SDK1: variants seen among roughly 807,000 people sequenced by gnomAD.
SDK1 encodes the protein protein sidekick-1.
In SDK1, 157 loss-of-function variants were observed where a neutral mutation model predicts 245.5. That is an observed-to-expected ratio of 0.64 (90% CI 0.56 to 0.73). The LOEUF (loss-of-function observed/expected upper bound fraction) is 0.73, where lower values mean the gene tolerates loss of function less well. SDK1 is among the 30% of genes least tolerant of loss of function. The pLI is 0.00. For synonymous variants in SDK1, 1,647 were observed against 1,278.5 expected (o/e 1.29, Z -6.15); for missense variants, 3,583 against 3,002.3 (o/e 1.19, Z -4.52).
chr7:3,837,189 A>G (rs965870375), intron 5 of SDK1, among the ~76,000 whole-genome samples: 5 of 152,210 alleles, frequency 3.3e-5, no homozygotes, highest in Non-Finnish European at 5.9e-5. Context: ...TCTTATTCCT[A>G]TTGCATTTTC....
intron 1 of SDK1, among the ~76,000 whole-genome samples, chr7:3,536,117 T>G (rs1010449134): frequency 1.4e-4 from 21 of 151,794 alleles, no homozygotes; most frequent in Admixed American, 8.5e-4. Context: ...AGTGCAGTGG[T>G]GCGATCTCGG....
chr7:4,208,712 G>A (rs931531915), intron 37 of SDK1, among the ~76,000 whole-genome samples: 2 of 152,184 alleles, frequency 1.3e-5, no homozygotes, highest in African/African-American at 2.4e-5. Flanking sequence ...AGGCCACAGC[G>A]ACGGGAATTC....
At chr7:4,023,172 C>T (rs1787061787) in intron 17 of SDK1, among the ~76,000 whole-genome samples, 2 of 152,116 alleles carry the variant, frequency 1.3e-5, no homozygotes, top group South Asian at 4.1e-4. Context: ...GGGCTAGCAC[C>T]TTGGACACAT....
At chr7:3,546,511 G>C (rs778395277) in intron 1 of SDK1, among the ~76,000 whole-genome samples, 3 of 152,212 alleles carry the variant, frequency 2.0e-5, no homozygotes, top group Non-Finnish European at 2.9e-5. Flanking sequence ...TACATTCAGA[G>C]TATACACAGC....
intron 5 of SDK1, among the ~76,000 whole-genome samples, chr7:3,919,363 C>G (rs1779506028): frequency 6.6e-6 from 1 of 152,210 alleles, no homozygotes; most frequent in Non-Finnish European, 1.5e-5. Context: ...AGGTGTTTGC[C>G]TCTGCTGCTG....
At chr7:4,248,897 A>T (rs1005584038) in intron 44 of SDK1, among the ~76,000 whole-genome samples, 1 of 152,222 alleles carries the variant, frequency 6.6e-6, no homozygotes, top group Non-Finnish European at 1.5e-5. Context: ...GTACAAGCAC[A>T]CATGCATACC....
intron 1 of SDK1, among the ~76,000 whole-genome samples, chr7:3,466,034 G>T (rs1166756480): frequency 6.6e-6 from 1 of 152,062 alleles, no homozygotes; most frequent in Non-Finnish European, 1.5e-5. Context: ...AGGAGGGGCT[G>T]GTTTTTCTCT....
rs577699528 is a variant in SDK1 at position 3,492,409 on chromosome 7, G to A, written c.299-126671G>A. Reference sequence around the variant, plus strand: ...CTCAGGAGGCTGAGGCAGGAGAATGGCGTGAACCGGCAAGGTGGAGCTTGC... The same window carrying A: ...CTCAGGAGGCTGAGGCAGGAGAATGACGTGAACCGGCAAGGTGGAGCTTGC... On this transcript the variant is annotated intron_variant, in intron 1 of 44. Coordinates refer to ENST00000404826, the MANE Select transcript of SDK1 (RefSeq NM_152744.4). 2.0e-5 allele frequency among the ~76,000 whole-genome samples: 3 copies of A among 152,364 alleles called. No homozygotes were observed. In the South Asian group the frequency reaches 6.2e-4, roughly 32 times the overall value.
intron 4 of SDK1, among the ~76,000 whole-genome samples, chr7:3,649,034 G>C (rs1242389098): frequency 6.6e-6 from 1 of 152,098 alleles, no homozygotes; most frequent in Non-Finnish European, 1.5e-5. Flanking sequence ...GACATTTCCT[G>C]AGCACTTAAT....
intron 4 of SDK1, among the ~76,000 whole-genome samples, chr7:3,737,131 T>A (rs1779336729): frequency 6.6e-6 from 1 of 152,240 alleles, no homozygotes. Context: ...ATTCTAGGTG[T>A]GCTCTGCAGC....
chr7:4,034,721 G>C (rs1788091109), intron 17 of SDK1, among the ~76,000 whole-genome samples: 1 of 152,138 alleles, frequency 6.6e-6, no homozygotes, highest in South Asian at 2.1e-4. Context: ...ACAGGTACAA[G>C]CCTATTCGCT....
At chr7:3,994,056 T>C (rs1053247517) in intron 14 of SDK1, among the ~76,000 whole-genome samples, 2 of 152,096 alleles carry the variant, frequency 1.3e-5, no homozygotes, top group Non-Finnish European at 2.9e-5. Context: ...AGGCTCTATT[T>C]CCCCTCCTGC....
intron 1 of SDK1, among the ~76,000 whole-genome samples, chr7:3,417,335 G>T (rs893002822): frequency 6.6e-6 from 1 of 152,146 alleles, no homozygotes; most frequent in Admixed American, 6.5e-5. Flanking sequence ...CCAGTTCCCC[G>T]ACTCTTCGTC....
rs775371513 is a variant in SDK1 at position 4,233,282 on chromosome 7, A to C, written c.5855A>C (p.Lys1952Thr). ...SDEGLWDMFV[K>T]DIPRSATSYT... ...GAAGGCTTATGGGACATGTTTGTGAAGGACATCCCGCGGAGCGCCACATCC... is the reference window on the plus strand; with the variant it reads ...GAAGGCTTATGGGACATGTTTGTGACGGACATCCCGCGGAGCGCCACATCC... Residue 1952 changes from lysine (K) to threonine (T), a missense_variant, in exon 41 of 45, where the codon AAG becomes ACG. Transcript: ENST00000404826. 6.2e-7 allele frequency: 1 copy of C among 1,613,866 alleles called. No homozygotes were observed. Among genetic ancestry groups the C allele is most frequent in the Non-Finnish European group, 8.5e-7 (1 of 1,179,986 alleles).
chr7:3,572,462 TC>T (rs983822559), intron 1 of SDK1, among the ~76,000 whole-genome samples: 1 of 151,884 alleles, frequency 6.6e-6, no homozygotes, highest in African/African-American at 2.4e-5. Flanking sequence ...CTGGGGAATT[TC>T]CTATAAACTG....
intron 5 of SDK1, among the ~76,000 whole-genome samples, chr7:3,864,830 G>T (rs1028939910): frequency 6.6e-6 from 1 of 152,130 alleles, no homozygotes; most frequent in Non-Finnish European, 1.5e-5. Flanking sequence ...AGAGAAAGAG[G>T]GAATGACAAT....
intron 1 of SDK1, among the ~76,000 whole-genome samples, chr7:3,358,255 C>T (rs187191811): frequency 6.6e-6 from 1 of 152,144 alleles, no homozygotes; most frequent in African/African-American, 2.4e-5. Context: ...CTCCCGACCT[C>T]AAGTGATCTG....
In SDK1 at chr7:3,464,403, C is replaced by T. The variant is rs893009238; in HGVS notation, c.299-154677C>T. Among the ~76,000 whole-genome samples the T allele has an allele frequency of 9.9e-5, 15 of 152,008 alleles. 1 individual carries two copies. Among genetic ancestry groups the T allele is most frequent in the Non-Finnish European group, 1.9e-4 (13 of 68,000 alleles). On this transcript the variant is annotated intron_variant, in intron 1 of 44. Transcript: ENST00000404826. The stretch of plus-strand genomic sequence containing the variant: ...CCCAGTGTAGTGGCATGCCTGTAGC[C>T]CCAGCTACACAGGAGACTGAGGTGG...
intron 5 of SDK1, among the ~76,000 whole-genome samples, chr7:3,940,693 C>T (rs200243342): frequency 6.6e-5 from 10 of 152,028 alleles, no homozygotes; most frequent in African/African-American, 9.7e-5. Context: ...TCGTGGCAGG[C>T]GCCTGTAATC....
Sources: gnomAD v4.1 joint callset for allele counts (sites outside exome capture counted in the v4.1 genomes callset) on GRCh38, gnomAD v4.1.1 for gene constraint, MANE v1.5 for transcripts, NCBI Gene and HGNC (gene_info 2026-07-23, HGNC 2026-07-21) for gene names.